MYOM2: variants seen among roughly 807,000 people sequenced by gnomAD.
MYOM2 encodes the protein myomesin-2.
MYOM2 carries 254 observed loss-of-function variants against 187.6 expected under a neutral mutation model. The ratio of observed to expected loss-of-function variants is 1.35; its 90% confidence interval spans 1.22 to 1.50. The LOEUF (loss-of-function observed/expected upper bound fraction) is 1.50, where lower values mean the gene tolerates loss of function less well. MYOM2 is among the 40% of genes most tolerant of loss of function. The pLI is 0.00. For synonymous variants in MYOM2, 981 were observed against 753.8 expected, an observed-to-expected ratio of 1.30 and a Z score of -4.94; for missense variants, 2,796 against 1,924.0, an observed-to-expected ratio of 1.45 and a Z score of -8.48.
chr8:2,079,477 C>A, intron 12 of MYOM2, 83 bp from the exon 13 acceptor site: 2 of 1,334,750 alleles, frequency 1.5e-6, no homozygotes, highest in Admixed American at 1.7e-5. Flanking sequence ...AGAGGAGATG[C>A]AGAGCTGGCA....
At chr8:2,060,927 T>G (rs1467745129) in intron 6 of MYOM2, among the ~76,000 whole-genome samples, 3 of 148,138 alleles carry the variant, frequency 2.0e-5, no homozygotes, top group East Asian at 2.0e-4. Flanking sequence ...GACCAAGGAG[T>G]AGGGTAGGGC....
chr8:2,086,459 CACGTG>C (rs1796068602), intron 14 of MYOM2, among the ~76,000 whole-genome samples: 1 of 123,640 alleles, frequency 8.1e-6, no homozygotes. Flanking sequence ...TCGTGATCTC[CACGTG>C]GCCACACACT....
chr8:2,126,018 T>A (rs1797622793), intron 31 of MYOM2, among the ~76,000 whole-genome samples: 1 of 152,188 alleles, frequency 6.6e-6, no homozygotes, highest in South Asian at 2.1e-4. Context: ...GGCTTTACTC[T>A]TATACTCATG....
chr8:2,083,633 G>A (rs531882782), intron 13 of MYOM2, among the ~76,000 whole-genome samples: 1 of 152,164 alleles, frequency 6.6e-6, no homozygotes, highest in East Asian at 1.9e-4. Context: ...GTTTTCCCTC[G>A]GCTCCCCTCT....
chr8:2,054,476 A>C (rs755397315), intron 3 of MYOM2, among the ~76,000 whole-genome samples: 13 of 152,146 alleles, frequency 8.5e-5, no homozygotes, highest in Admixed American at 4.6e-4. Context: ...AAATGACGTT[A>C]CTGTGCACAC....
chr8:2,109,195 C>A, intron 24 of MYOM2, 200 bp from the exon 25 acceptor site: 3 of 586,060 alleles, frequency 5.1e-6, no homozygotes, highest in East Asian at 6.3e-5. Context: ...ACTGAGAACT[C>A]ATGTGGCATG....
intron 15 of MYOM2, among the ~76,000 whole-genome samples, chr8:2,090,796 G>A (rs1796275316): frequency 6.6e-6 from 1 of 152,126 alleles, no homozygotes; most frequent in Non-Finnish European, 1.5e-5. Flanking sequence ...AAAGGACGTG[G>A]TCTTGTTCTT....
chr8:2,101,423 C>T (rs1482474585), intron 20 of MYOM2, among the ~76,000 whole-genome samples: 4 of 152,206 alleles, frequency 2.6e-5, no homozygotes, highest in East Asian at 1.9e-4. Context: ...TTCGTCTTGG[C>T]GTTTCCCTCT....
chr8:2,100,538 C>G, intron 19 of MYOM2: 2 of 273,158 alleles, frequency 7.3e-6, no homozygotes, highest in Non-Finnish European at 1.4e-5. Context: ...TGCCAGGTGT[C>G]CAGCCCCGTG....
chr8:2,052,405 G>T, intron 3 of MYOM2, 92 bp downstream of exon 3: 2 of 1,357,456 alleles, frequency 1.5e-6, no homozygotes, highest in Non-Finnish European at 1.9e-6. Context: ...GACCTTAGCT[G>T]AGAGGGAAGA....
chr8:2,089,982 A>C, intron 14 of MYOM2, 26 bp from the exon 15 acceptor site: 1 of 1,610,538 alleles, frequency 6.2e-7, no homozygotes, highest in African/African-American at 1.3e-5. Context: ...TTTCACTGCC[A>C]GTCTCGTTTC....
chr8:2,061,080 G>C (rs560342352), intron 6 of MYOM2, among the ~76,000 whole-genome samples: 5 of 152,146 alleles, frequency 3.3e-5, no homozygotes, highest in Non-Finnish European at 7.4e-5. Context: ...TCGAGGGAGG[G>C]GCTTGAGTTG....
chr8:2,124,822 T>C (rs1797581869), intron 31 of MYOM2, among the ~76,000 whole-genome samples: 1 of 152,192 alleles, frequency 6.6e-6, no homozygotes. Context: ...GCAGTTTTAA[T>C]TTGCATTTCC....
chr8:2,095,308 T>C (rs1285608261), intron 17 of MYOM2, among the ~76,000 whole-genome samples: 5 of 151,292 alleles, frequency 3.3e-5, no homozygotes, highest in South Asian at 2.1e-4. Flanking sequence ...TTTTTTTTTT[T>C]CGACGTAGAG....
chr8:2,078,849 G>A lies in MYOM2; in HGVS notation c.1378G>A (p.Val460Met). 6.2e-7 allele frequency: 1 copy of A among 1,614,146 alleles called. No individual in the cohort carries two copies. Among genetic ancestry groups the A allele is most frequent in the South Asian group, 1.1e-5 (1 of 91,078 alleles). The change falls in exon 12 of 37, where the codon GTG (valine) becomes ATG (methionine). Residue 460 changes from valine (V) to methionine (M), a missense_variant. Transcript: ENST00000262113. ...GRSYIFRVRA[V>M]NSAGISRPSR... ...GTCTTACATATTCCGAGTGAGGGCA[G>A]TGAACAGTGCGGGCATCAGCCGACC...
intron 13 of MYOM2, among the ~76,000 whole-genome samples, chr8:2,081,165 G>A (rs1361897249): frequency 9.2e-6 from 1 of 109,058 alleles, no homozygotes; most frequent in Non-Finnish European, 1.9e-5. Context: ...GTAGAATGAG[G>A]TTTGGTTCTG....
intron 32 of MYOM2, among the ~76,000 whole-genome samples, chr8:2,135,899 C>G (rs1798052221): frequency 6.6e-6 from 1 of 152,172 alleles, no homozygotes; most frequent in South Asian, 2.1e-4. Context: ...GTTGCTCATT[C>G]AGGGGAAGCC....
chr8:2,103,675 AG>A (rs754262557), intron 21 of MYOM2, among the ~76,000 whole-genome samples: 6 of 136,540 alleles, frequency 4.4e-5, no homozygotes, highest in Non-Finnish European at 7.8e-5. Context: ...ATGTATGTAG[AG>A]GTATATGGAT....
intron 1 of MYOM2, among the ~76,000 whole-genome samples, chr8:2,050,339 A>T (rs1188066005): frequency 2.0e-5 from 3 of 151,932 alleles, no homozygotes; most frequent in Non-Finnish European, 4.4e-5. Context: ...GACACCTTCT[A>T]CCTGCCCCGG....
Sources: gnomAD v4.1 joint callset for allele counts (sites outside exome capture counted in the v4.1 genomes callset) on GRCh38, gnomAD v4.1.1 for gene constraint, MANE v1.5 for transcripts, NCBI Gene and HGNC (gene_info 2026-07-23, HGNC 2026-07-21) for gene names.